The following TTC39B variants were observed in gnomAD, a reference collection of about 807,000 sequenced individuals.
TTC39B encodes tetratricopeptide repeat domain 39B.
A neutral mutation model predicts 96.6 loss-of-function variants in TTC39B; 92 were observed. That is an observed-to-expected ratio of 0.95 (90% confidence interval 0.80 to 1.13). The LOEUF (loss-of-function observed/expected upper bound fraction) is 1.13. Among genes scored for constraint, TTC39B ranks in the 50% most tolerant of loss-of-function variants. The pLI, the probability that TTC39B is intolerant of heterozygous loss-of-function variation, is 0.00. For synonymous variants in TTC39B, 367 were observed against 299.4 expected, an observed-to-expected ratio of 1.23 and a Z score of -2.33; for missense variants, 955 against 809.3, an observed-to-expected ratio of 1.18 and a Z score of -2.18.
chr9:15,170,261 A>G (rs1021276804), exon 20 of TTC39B: 2 of 74,226 alleles, frequency 2.7e-5, no homozygotes, highest in Non-Finnish European at 2.7e-5. Flanking sequence ...CAAGCCACAC[A>G]CTGCTTGATA....
chr9:15,263,688 C>T lies in TTC39B; in HGVS notation c.275+4226G>A, dbSNP rs566761430. The stretch of plus-strand genomic sequence containing the variant: ...AAGTTTATTAAAATCAGATCAAAAT[C>T]AACTGCAGACTCTGAATGGAGGCCT... On this transcript the variant is annotated intron_variant, in intron 2 of 19. Transcript: ENST00000512701. Among the ~76,000 whole-genome samples the T allele has an allele frequency of 9.2e-5, 14 of 152,294 alleles. No individual in the cohort carries two copies. The South Asian group carries it at 2.9e-3, about 32-fold the overall frequency.
At chr9:15,186,609 T>C in intron 15 of TTC39B, 1 of 176,164 alleles carries the variant, frequency 5.7e-6, no homozygotes, top group Non-Finnish European at 1.2e-5. Context: ...TTCCGTAAAA[T>C]AAGGAAATGA....
At chr9:15,277,816 G>T (rs1370064162) in intron 1 of TTC39B, among the ~76,000 whole-genome samples, 1 of 152,206 alleles carries the variant, frequency 6.6e-6, no homozygotes, top group African/African-American at 2.4e-5. Context: ...GAAGGGCTGC[G>T]TCCAAATGGA....
chr9:15,244,236 T>C (rs966023061), intron 2 of TTC39B, among the ~76,000 whole-genome samples: 6 of 152,202 alleles, frequency 3.9e-5, no homozygotes, highest in Non-Finnish European at 8.8e-5. Flanking sequence ...TATTGGAGGG[T>C]TCTCTTATTT....
intron 4 of TTC39B, among the ~76,000 whole-genome samples, chr9:15,213,746 T>G (rs1157431702): frequency 6.6e-6 from 1 of 152,224 alleles, no homozygotes; most frequent in African/African-American, 2.4e-5. Context: ...CTTCTTATCT[T>G]AAATTTCTTA....
At chr9:15,169,255 A>G (rs758990374) in exon 20 of TTC39B, 4 of 152,202 alleles carry the variant, frequency 2.6e-5, no homozygotes, top group Admixed American at 1.3e-4. Flanking sequence ...TAATTTTCCT[A>G]TATAACTTGG....
At chr9:15,296,476 T>C (rs1587030101) in intron 1 of TTC39B, among the ~76,000 whole-genome samples, 4 of 152,318 alleles carry the variant, frequency 2.6e-5, no homozygotes, top group Admixed American at 2.0e-4. Flanking sequence ...AGGGTGCATG[T>C]GTGTCTCCAC....
intron 7 of TTC39B, among the ~76,000 whole-genome samples, chr9:15,201,367 T>C (rs1819528567): frequency 6.6e-6 from 1 of 151,616 alleles, no homozygotes; most frequent in Non-Finnish European, 1.5e-5. Context: ...AGTAATACAA[T>C]ATGTTAAGGG....
intron 1 of TTC39B, among the ~76,000 whole-genome samples, chr9:15,294,267 C>T (rs916499759): frequency 7.2e-5 from 11 of 152,050 alleles, no homozygotes; most frequent in Non-Finnish European, 2.9e-5. Context: ...CAGCAAGAAC[C>T]CTAGAGTCCC....
intron 1 of TTC39B, among the ~76,000 whole-genome samples, chr9:15,285,309 ATTTG>A (rs1823927555): frequency 6.6e-6 from 1 of 151,964 alleles, no homozygotes; most frequent in African/African-American, 2.4e-5. Context: ...TGCCCAGTGT[ATTTG>A]TTTGTTTACT....
chr9:15,297,912 C>T (rs1488568775), intron 1 of TTC39B, among the ~76,000 whole-genome samples: 1 of 151,998 alleles, frequency 6.6e-6, no homozygotes, highest in Non-Finnish European at 1.5e-5. Context: ...TAAGGGATAC[C>T]CAGATAGAGA....
intron 1 of TTC39B, among the ~76,000 whole-genome samples, chr9:15,277,503 G>A (rs995582393): frequency 6.6e-6 from 1 of 152,118 alleles, no homozygotes; most frequent in African/African-American, 2.4e-5. Flanking sequence ...CATAAGTTAT[G>A]GAACCTCTGC....
intron 2 of TTC39B, among the ~76,000 whole-genome samples, chr9:15,236,337 C>T (rs956707466): frequency 6.6e-6 from 1 of 152,138 alleles, no homozygotes; most frequent in African/African-American, 2.4e-5. Context: ...TGCTACTAGA[C>T]CTAAGAGAAT....
At chr9:15,304,596 A>G (rs890277646) in intron 1 of TTC39B, among the ~76,000 whole-genome samples, 1 of 152,194 alleles carries the variant, frequency 6.6e-6, no homozygotes, top group African/African-American at 2.4e-5. Flanking sequence ...CTTTTAAAGA[A>G]AAAGATTTCC....
At chr9:15,283,903 A>G (rs531993682) in intron 1 of TTC39B, among the ~76,000 whole-genome samples, 1 of 152,302 alleles carries the variant, frequency 6.6e-6, no homozygotes, top group South Asian at 2.1e-4. Flanking sequence ...TTTTAAAATA[A>G]TCTTAAAACA....
At chr9:15,305,711 T>C (rs554869343) in intron 1 of TTC39B, among the ~76,000 whole-genome samples, 2 of 150,526 alleles carry the variant, frequency 1.3e-5, no homozygotes, top group Non-Finnish European at 2.9e-5. Context: ...GTTCATCTAG[T>C]AGGCAGTGAG....
Position 15,250,880 on chromosome 9 carries a change from A to T in TTC39B, c.275+17034T>A, listed in dbSNP as rs533344441. 3.7e-4 allele frequency among the ~76,000 whole-genome samples: 57 copies of T among 152,242 alleles called. 1 individual carries two copies. Among genetic ancestry groups the T allele is most frequent in the Admixed American group, 1.9e-3 (29 of 15,298 alleles). On this transcript the variant is annotated intron_variant, in intron 2 of 19. Coordinates refer to ENST00000512701, the Ensembl canonical transcript of TTC39B. ...AGAATTGAAACGTTTTTAGTATAGG[A>T]CTCACTAATTTTTCTAATTATAAAA...
chr9:15,205,584 A>G (rs779305957), intron 6 of TTC39B, among the ~76,000 whole-genome samples: 3 of 152,230 alleles, frequency 2.0e-5, no homozygotes, highest in African/African-American at 4.8e-5. Context: ...ATCCACAGTC[A>G]GGGTCTCAGT....
chr9:15,235,224 T>C (rs1375367491), intron 2 of TTC39B, among the ~76,000 whole-genome samples: 4 of 152,028 alleles, frequency 2.6e-5, no homozygotes, highest in Admixed American at 2.6e-4. Flanking sequence ...AAAAAATAGC[T>C]TGAAGACCCA....
Sources: gnomAD v4.1 joint callset for allele counts (sites outside exome capture counted in the v4.1 genomes callset) on GRCh38, gnomAD v4.1.1 for gene constraint, MANE v1.5 for transcripts, NCBI Gene and HGNC (gene_info 2026-07-23, HGNC 2026-07-21) for gene names.